UBE2W: variants seen among roughly 807,000 people sequenced by gnomAD.
UBE2W encodes the protein ubiquitin conjugating enzyme E2 W.
In UBE2W, 18 loss-of-function variants were observed where a neutral mutation model predicts 27.2. The ratio of observed to expected loss-of-function variants is 0.66; its 90% CI spans 0.46 to 0.98. The LOEUF (loss-of-function observed/expected upper bound fraction) is 0.98, where lower values mean the gene tolerates loss of function less well. Among genes scored for constraint, UBE2W ranks in the 50% least tolerant of loss-of-function variants. UBE2W has a pLI of 0.00. For missense variants in UBE2W, 90 were observed against 180.2 expected (o/e 0.50, Z 2.87); for synonymous variants, 53 against 57.2 (o/e 0.93, Z 0.33).
chr8:73,872,160 C>T (rs1812032159), intron 1 of UBE2W, among the ~76,000 whole-genome samples: 1 of 152,194 alleles, frequency 6.6e-6, no homozygotes, highest in Non-Finnish European at 1.5e-5. Context: ...GAAGGATAAT[C>T]TGATATTACT....
Position 73,805,701 on chromosome 8 carries a change from TA to T in UBE2W, c.391del (p.Tyr131MetfsTer51). ...TGGATTCTTGTTACATGTTCGCACATAAAAAGAATTATCCGGTGGTCGTCTC... is the reference window on the plus strand; with the variant it reads ...TGGATTCTTGTTACATGTTCGCACATAAAAGAATTATCCGGTGGTCGTCTC... The part of the protein sequence containing the change: ...EKRRPPDNSF[Y>X]VRTCNKNPKK... On this transcript the variant is annotated frameshift_variant, in exon 5 of 6. Coordinates refer to ENST00000602593, the MANE Select transcript of UBE2W (RefSeq NM_018299.6). LOFTEE classifies it high-confidence loss of function. The T allele has an allele frequency of 6.5e-7, 1 of 1,540,484 alleles. No homozygotes were observed. The highest frequency in any genetic ancestry group is 8.8e-7 in the Non-Finnish European group (1 of 1,136,724).
chr8:73,853,005 CCCAAAGT>C (rs1383200359), intron 1 of UBE2W, among the ~76,000 whole-genome samples: 1 of 152,068 alleles, frequency 6.6e-6, no homozygotes, highest in Admixed American at 6.6e-5. Flanking sequence ...AAATCTAATT[CCCAAAGT>C]ATTGGAATTA....
At chr8:73,861,420 G>T (rs1811529149) in intron 1 of UBE2W, among the ~76,000 whole-genome samples, 1 of 152,114 alleles carries the variant, frequency 6.6e-6, no homozygotes, top group Non-Finnish European at 1.5e-5. Flanking sequence ...TACCTAGAAA[G>T]GACTATTCTT....
At chr8:73,875,975 C>T (rs761672371) in intron 1 of UBE2W, among the ~76,000 whole-genome samples, 1 of 152,018 alleles carries the variant, frequency 6.6e-6, no homozygotes, top group African/African-American at 2.4e-5. Context: ...TTGCTAGAAC[C>T]CTGGGAGCGG....
In UBE2W at chr8:73,790,183, G is replaced by GA. The variant is rs968058362; in HGVS notation, c.*3918dup. The GA allele has an allele frequency of 2.2e-3, 1,966 of 880,168 alleles. 1 individual carries two copies. The highest frequency in any genetic ancestry group is 2.9e-3 in the Middle Eastern group (5 of 1,710). The allele number at this position is 880,168 out of a possible 1,614,324, so 54.5% of individuals were successfully genotyped here. A position where few individuals can be genotyped will look rare whatever the true frequency, so the allele number is the denominator to read the frequency against. On this transcript the variant is annotated 3_prime_UTR_variant, in exon 6 of 6. Transcript: ENST00000602593. Reference sequence around the variant, plus strand: ...TCCTTCTGTAGAATCCCTAACCTCAGAAAAAAAAAAGAGAGAATAAATTAG... The same window carrying GA: ...TCCTTCTGTAGAATCCCTAACCTCAGAAAAAAAAAAAGAGAGAATAAATTAG...
downstream of UBE2W, among the ~76,000 whole-genome samples, chr8:73,781,288 A>G (rs1364530864): frequency 6.7e-6 from 1 of 149,104 alleles, no homozygotes; most frequent in Admixed American, 6.6e-5. Context: ...AAAAAAAAAA[A>G]AGTATTAAAT....
intron 1 of UBE2W, among the ~76,000 whole-genome samples, chr8:73,857,812 C>T (rs965869051): frequency 2.6e-5 from 4 of 151,000 alleles, no homozygotes; most frequent in Admixed American, 6.6e-5. Flanking sequence ...TGAGACTCCC[C>T]GTCTTAAAAA....
At chr8:73,826,364 T>C (rs1809833329) in intron 2 of UBE2W, among the ~76,000 whole-genome samples, 1 of 152,196 alleles carries the variant, frequency 6.6e-6, no homozygotes, top group Admixed American at 6.5e-5. Flanking sequence ...TGTTCCTAAT[T>C]ATAGCTCTGT....
intron 1 of UBE2W, chr8:73,833,763 CTTT>C (rs201527511): frequency 6.6e-6 from 1 of 151,954 alleles, no homozygotes; most frequent in Non-Finnish European, 1.5e-5. Flanking sequence ...CTTAATATGA[CTTT>C]TTTTTCAGAG....
chr8:73,825,199 T>G lies in UBE2W; in HGVS notation c.158A>C (p.Lys53Thr), dbSNP rs758366667. ...ACTAAATTTAAATAGAAGTTGAAAT[T>G]TTTCCCCTTCATATAAGGTACCTGG... is the stretch of plus-strand genomic sequence containing the variant. ...GAPGTLYEGEKFQLLFKFSSR... is the reference protein window; with the variant it reads ...GAPGTLYEGETFQLLFKFSSR... Residue 53 changes from lysine (K) to threonine (T), a missense_variant, in exon 3 of 6, where the codon AAA becomes ACA. By Grantham distance (78) the Lys-to-Thr change is moderately conservative (BLOSUM62 -1). Coordinates refer to ENST00000602593, the MANE Select transcript of UBE2W (RefSeq NM_018299.6). The G allele has an allele frequency of 6.4e-7, 1 of 1,564,122 alleles. No individual in the cohort carries two copies. Among genetic ancestry groups the G allele is most frequent in the African/African-American group, 1.4e-5 (1 of 73,726 alleles).
intron 1 of UBE2W, among the ~76,000 whole-genome samples, chr8:73,846,401 A>C (rs1440443608): frequency 1.3e-5 from 2 of 152,128 alleles, no homozygotes; most frequent in African/African-American, 4.8e-5. Context: ...CATCTCAAAA[A>C]GAAAAAGAAA....
At chr8:73,796,646 AC>A (rs1808432669) in intron 5 of UBE2W, 22 of 984,972 alleles carry the variant, frequency 2.2e-5, no homozygotes, top group Non-Finnish European at 2.7e-5. Context: ...ATGATCTGTA[AC>A]AGCTAGATCA....
chr8:73,843,628 C>T (rs1330678531), intron 1 of UBE2W, among the ~76,000 whole-genome samples: 1 of 152,000 alleles, frequency 6.6e-6, no homozygotes, highest in African/African-American at 2.4e-5. Flanking sequence ...GAGAGAGACC[C>T]TGTCTCTTTA....
chr8:73,865,178 G>A (rs1199405100), intron 1 of UBE2W, among the ~76,000 whole-genome samples: 12 of 27,122 alleles, frequency 4.4e-4, no homozygotes, highest in Non-Finnish European at 1.2e-4. Context: ...GTGTGCAAAC[G>A]TCAAAAAAAA....
intron 1 of UBE2W, among the ~76,000 whole-genome samples, chr8:73,876,911 G>A (rs1446116626): frequency 1.3e-5 from 2 of 152,146 alleles, no homozygotes; most frequent in Admixed American, 1.3e-4. Flanking sequence ...AGGCTGCGGT[G>A]AGCCAAGATC....
chr8:73,814,113 A>G (rs1018255163), intron 3 of UBE2W, among the ~76,000 whole-genome samples: 1 of 152,346 alleles, frequency 6.6e-6, no homozygotes, highest in East Asian at 1.9e-4. Flanking sequence ...CTTCAACTGC[A>G]TACTGTTAGC....
At chr8:73,867,315 T>C (rs1811818933) in intron 1 of UBE2W, among the ~76,000 whole-genome samples, 1 of 152,076 alleles carries the variant, frequency 6.6e-6, no homozygotes, top group African/African-American at 2.4e-5. Flanking sequence ...GGCGGACGGA[T>C]CACAAGCTCA....
intron 1 of UBE2W, among the ~76,000 whole-genome samples, chr8:73,844,999 C>G (rs1810720562): frequency 1.4e-5 from 1 of 70,624 alleles, no homozygotes; most frequent in African/African-American, 3.9e-5. Context: ...TGCAGCCGCC[C>G]CGTCCAGGAG....
chr8:73,825,988 C>T (rs7825838), intron 2 of UBE2W, among the ~76,000 whole-genome samples: 3,672 of 152,130 alleles, frequency 0.024, 154 homozygotes, highest in African/African-American at 0.084. Flanking sequence ...TGGAGAAATA[C>T]GTATAGACAA....
Sources: allele counts gnomAD v4.1 joint callset (sites outside exome capture counted in the v4.1 genomes callset), GRCh38; gene constraint gnomAD v4.1.1; transcripts MANE v1.5; gene names NCBI Gene and HGNC (gene_info 2026-07-23, HGNC 2026-07-21).